The following ASNS variants were observed in gnomAD, a reference collection of about 807,000 sequenced individuals.
The protein encoded by ASNS is asparagine synthetase (glutamine-hydrolyzing).
Under a neutral mutation model 62.6 loss-of-function variants are expected in ASNS, and 37 were observed. The ratio of observed to expected loss-of-function variants is 0.59; its 90% CI spans 0.45 to 0.78. The LOEUF is 0.78. Among genes scored for constraint, ASNS ranks in the 30% least tolerant of loss-of-function variants. The probability of loss-of-function intolerance (pLI) is 0.00; values close to 1 mark genes in which losing one functional copy is unlikely to be tolerated. For synonymous variants in ASNS, 207 were observed against 237.9 expected, an observed-to-expected ratio of 0.87 and a Z score of 1.19; for missense variants, 520 against 682.4, an observed-to-expected ratio of 0.76 and a Z score of 2.65.
At chr7:97,907,846 A>G in the ASNS span, among the ~76,000 whole-genome samples, 1 of 152,162 alleles carries the variant, frequency 6.6e-6, no homozygotes, top group Admixed American at 6.5e-5. Context: ...TAATCCAAGA[A>G]TTTTATAGCC....
At chr7:97,903,773 CTT>C in the ASNS span, among the ~76,000 whole-genome samples, 1 of 152,180 alleles carries the variant, frequency 6.6e-6, no homozygotes, top group Non-Finnish European at 1.5e-5. Flanking sequence ...AAAAATATAA[CTT>C]AATTATGTTC....
the ASNS span, among the ~76,000 whole-genome samples, chr7:97,910,055 A>G: frequency 6.6e-6 from 1 of 152,166 alleles, no homozygotes; most frequent in East Asian, 1.9e-4. Flanking sequence ...AAGTGATGAC[A>G]ATACAAGACG....
At chr7:97,880,194 G>A in the ASNS span, among the ~76,000 whole-genome samples, 216 of 150,184 alleles carry the variant, frequency 1.4e-3, 2 homozygotes, top group South Asian at 0.034. Context: ...GTGTGATCTC[G>A]GCTCACTGCA....
At chr7:97,879,712 T>C in the ASNS span, among the ~76,000 whole-genome samples, 2 of 152,202 alleles carry the variant, frequency 1.3e-5, no homozygotes, top group African/African-American at 4.8e-5. Context: ...GACATTATGG[T>C]TGCAGCCTTG....
chr7:97,925,944 G>C, the ASNS span, among the ~76,000 whole-genome samples: 1 of 152,088 alleles, frequency 6.6e-6, no homozygotes, highest in Admixed American at 6.5e-5. Flanking sequence ...ATAAAGGCTT[G>C]GGGAGGGCCA....
chr7:97,894,910 C>T, the ASNS span, among the ~76,000 whole-genome samples: 57 of 152,212 alleles, frequency 3.7e-4, no homozygotes, highest in African/African-American at 1.3e-3. Context: ...AAGACAAGGA[C>T]GCAACAAAAG....
the ASNS span, among the ~76,000 whole-genome samples, chr7:97,882,949 C>T: frequency 1.3e-4 from 20 of 152,208 alleles, no homozygotes; most frequent in African/African-American, 4.8e-4. Flanking sequence ...TCAACTTTTC[C>T]TTCGCTGCAC....
chr7:97,908,545 C>A, the ASNS span: 3 of 152,014 alleles, frequency 2.0e-5, 1 homozygote, highest in Admixed American at 2.0e-4. Context: ...GGATTACAGG[C>A]ACGCACCACT....
At chr7:97,917,505 A>G in the ASNS span, among the ~76,000 whole-genome samples, 1 of 152,202 alleles carries the variant, frequency 6.6e-6, no homozygotes, top group Admixed American at 6.5e-5. Context: ...GTCCTAATGA[A>G]GCAGGATGCT....
chr7:97,882,625 TTAAA>T, the ASNS span, among the ~76,000 whole-genome samples: 20 of 142,392 alleles, frequency 1.4e-4, no homozygotes, highest in South Asian at 9.6e-4. Flanking sequence ...CAGAGAGAGA[TTAAA>T]TAAATAAATA....
At chr7:97,897,649 T>G in the ASNS span, among the ~76,000 whole-genome samples, 1 of 152,174 alleles carries the variant, frequency 6.6e-6, no homozygotes, top group Non-Finnish European at 1.5e-5. Flanking sequence ...TATTGTATAT[T>G]GTTGGTGGGA....
At chr7:97,880,621 G>C in the ASNS span, among the ~76,000 whole-genome samples, 1 of 152,158 alleles carries the variant, frequency 6.6e-6, no homozygotes, top group African/African-American at 2.4e-5. Flanking sequence ...ATTGGAGATG[G>C]GGAGCTACCT....
intron 3 of ASNS, among the ~76,000 whole-genome samples, chr7:97,866,964 C>T (rs200216747): frequency 1.3e-5 from 2 of 152,348 alleles, no homozygotes; most frequent in East Asian, 3.9e-4. Flanking sequence ...TAAGCAACAG[C>T]TTCCCAAATC....
At chr7:97,909,294 C>CTTTTTTTTTT in the ASNS span, among the ~76,000 whole-genome samples, 3 of 72,618 alleles carry the variant, frequency 4.1e-5, no homozygotes, top group Non-Finnish European at 2.5e-5. Context: ...CTCACATACA[C>CTTTTTTTTTT]TTTTTTTTTT....
Position 97,853,146 on chromosome 7 carries a change from A to G in ASNS, c.1390T>C (p.Trp464Arg), listed in dbSNP as rs1404048496. 6.2e-7 allele frequency: 1 copy of G among 1,612,174 alleles called. No individual in the cohort carries two copies. Among genetic ancestry groups the G allele is most frequent in the Non-Finnish European group, 8.5e-7 (1 of 1,179,398 alleles). The change falls in exon 12 of 13, where the codon TGG becomes CGG. Residue 464 changes from tryptophan to arginine, a missense_variant. By Grantham distance (101) the Trp-to-Arg change is moderately radical. Coordinates refer to ENST00000394308, the MANE Select transcript of ASNS (RefSeq NM_001673.5). ...DSNLIPKEIL[W>R]RPKEAFSDGI... ...TCACTGAAGGCTTCTTTTGGTCGCC[A>G]GAGAATCTCTTTGGGTATCAGATTG...
the ASNS span, among the ~76,000 whole-genome samples, chr7:97,909,521 C>T: frequency 6.6e-6 from 1 of 151,508 alleles, no homozygotes; most frequent in Non-Finnish European, 1.5e-5. Context: ...GTCGTGCAGG[C>T]TTGTCTCAAA....
chr7:97,882,315 G>A, the ASNS span, among the ~76,000 whole-genome samples: 3 of 152,140 alleles, frequency 2.0e-5, no homozygotes, highest in Middle Eastern at 3.2e-3. Flanking sequence ...TTCGGAAGCC[G>A]AGGCTGACGG....
chr7:97,873,670 A>G (rs1469042883), upstream of ASNS, among the ~76,000 whole-genome samples: 2 of 152,246 alleles, frequency 1.3e-5, no homozygotes, highest in Non-Finnish European at 2.9e-5. Flanking sequence ...ATTTATCCAA[A>G]CACAGCTTCA....
the ASNS span, among the ~76,000 whole-genome samples, chr7:97,882,615 C>CAG: frequency 6.0e-4 from 79 of 131,316 alleles, no homozygotes; most frequent in African/African-American, 2.1e-3. Context: ...CATTGACTTA[C>CAG]AGAGAGAGAT....
Sources: allele counts gnomAD v4.1 joint callset (sites outside exome capture counted in the v4.1 genomes callset), GRCh38; gene constraint gnomAD v4.1.1; transcripts MANE v1.5; gene names NCBI Gene and HGNC (gene_info 2026-07-23, HGNC 2026-07-21).